Variants in PTPRT observed in about 807,000 individuals in gnomAD.
The protein encoded by PTPRT is protein tyrosine phosphatase receptor type T.
Under a neutral mutation model 176.8 loss-of-function variants are expected in PTPRT, and 56 were observed. The ratio of observed to expected loss-of-function variants is 0.32; its 90% CI spans 0.26 to 0.40. The LOEUF (loss-of-function observed/expected upper bound fraction) is 0.40. Ranked by LOEUF, PTPRT falls within the 10% of genes least tolerant of loss-of-function variation. The probability of loss-of-function intolerance (pLI) is 1.00; values close to 1 mark genes in which losing one functional copy is unlikely to be tolerated. For synonymous variants in PTPRT, 783 were observed against 739.0 expected (o/e 1.06, Z -0.96); for missense variants, 1,540 against 1,908.2 (o/e 0.81, Z 3.60).
At chr20:43,041,051 T>C (rs1245928281) in intron 1 of PTPRT, among the ~76,000 whole-genome samples, 1 of 152,224 alleles carries the variant, frequency 6.6e-6, no homozygotes, top group South Asian at 2.1e-4. Flanking sequence ...AGAAACTCCA[T>C]GCATAGAGCC....
intron 1 of PTPRT, among the ~76,000 whole-genome samples, chr20:43,037,398 AGGTG>A (rs1248323677): frequency 2.6e-5 from 4 of 152,238 alleles, no homozygotes; most frequent in Admixed American, 2.6e-4. Flanking sequence ...GTGCAATGAC[AGGTG>A]GCTTCGCAGG....
intron 1 of PTPRT, among the ~76,000 whole-genome samples, chr20:43,158,346 T>C (rs2014582634): frequency 6.6e-6 from 1 of 152,168 alleles, no homozygotes; most frequent in African/African-American, 2.4e-5. Flanking sequence ...ACAAGTTCCA[T>C]GTGAGATGAA....
intron 12 of PTPRT, among the ~76,000 whole-genome samples, chr20:42,311,169 G>A (rs2057622466): frequency 6.6e-6 from 1 of 152,124 alleles, no homozygotes; most frequent in Non-Finnish European, 1.5e-5. Context: ...AAAACACGAT[G>A]AGATCAGGGA....
chr20:42,303,875 C>T (rs1467523329), intron 12 of PTPRT, among the ~76,000 whole-genome samples: 1 of 152,148 alleles, frequency 6.6e-6, no homozygotes, highest in African/African-American at 2.4e-5. Flanking sequence ...GCAGGAAACC[C>T]AGACTTTGCT....
At chr20:42,113,277 T>C (rs544193467) in intron 22 of PTPRT, among the ~76,000 whole-genome samples, 10 of 152,322 alleles carry the variant, frequency 6.6e-5, no homozygotes, top group African/African-American at 2.4e-4. Context: ...CTCAACATGG[T>C]TTGCTAGCTG....
intron 9 of PTPRT, among the ~76,000 whole-genome samples, chr20:42,378,100 G>C (rs1437278027): frequency 6.6e-6 from 1 of 152,190 alleles, no homozygotes; most frequent in Admixed American, 6.5e-5. Flanking sequence ...GAGCCAAACC[G>C]ACATTTGATG....
chr20:42,092,613 C>T (rs1984741391), intron 27 of PTPRT, among the ~76,000 whole-genome samples: 1 of 152,206 alleles, frequency 6.6e-6, no homozygotes, highest in Non-Finnish European at 1.5e-5. Flanking sequence ...AACAGAGACA[C>T]AGCCCCTTGC....
At chr20:42,427,833 A>G (rs56052898) in intron 9 of PTPRT, among the ~76,000 whole-genome samples, 17,858 of 151,986 alleles carry the variant, frequency 0.12, 1,023 homozygotes, top group Middle Eastern at 0.14. Context: ...AATGTACTTT[A>G]TAATCTCCCC....
At chr20:42,712,080 T>C (rs2076152757) in intron 6 of PTPRT, among the ~76,000 whole-genome samples, 1 of 152,244 alleles carries the variant, frequency 6.6e-6, no homozygotes, top group Middle Eastern at 3.4e-3. Context: ...ATTCATTACC[T>C]GGACTAATGA....
intron 16 of PTPRT, among the ~76,000 whole-genome samples, chr20:42,188,118 T>C (rs1246338561): frequency 1.3e-5 from 2 of 152,334 alleles, no homozygotes; most frequent in Middle Eastern, 3.4e-3. Context: ...TTGGCCTAGA[T>C]GTAAATGTCC....
At chr20:42,560,934 C>T (rs563490378) in intron 7 of PTPRT, among the ~76,000 whole-genome samples, 1 of 152,270 alleles carries the variant, frequency 6.6e-6, no homozygotes, top group East Asian at 1.9e-4. Flanking sequence ...TCCCTCCACT[C>T]TCCACCCCCA....
intron 1 of PTPRT, among the ~76,000 whole-genome samples, chr20:42,981,190 T>C (rs1256162593): frequency 6.6e-6 from 1 of 152,232 alleles, no homozygotes; most frequent in African/African-American, 2.4e-5. Context: ...GTGCAATTTT[T>C]ACTTAGGCAG....
At chr20:42,178,050 G>T (rs1990366446) in intron 16 of PTPRT, among the ~76,000 whole-genome samples, 1 of 152,014 alleles carries the variant, frequency 6.6e-6, no homozygotes, top group Non-Finnish European at 1.5e-5. Context: ...CGACTCTCCT[G>T]CCTCAGCCTC....
chr20:42,548,670 A>G (rs768873334), intron 7 of PTPRT, among the ~76,000 whole-genome samples: 3 of 152,182 alleles, frequency 2.0e-5, no homozygotes, highest in Non-Finnish European at 4.4e-5. Context: ...TCAGTAAAAT[A>G]AGCAGAACAC....
chr20:42,775,261 G>T (rs1294562853), intron 4 of PTPRT, among the ~76,000 whole-genome samples: 4 of 152,204 alleles, frequency 2.6e-5, no homozygotes, highest in Non-Finnish European at 4.4e-5. Flanking sequence ...ACATATTATT[G>T]TGCCCTTTAT....
At chr20:42,763,401 T>C (rs1374716487) in intron 5 of PTPRT, among the ~76,000 whole-genome samples, 2 of 152,184 alleles carry the variant, frequency 1.3e-5, no homozygotes, top group Non-Finnish European at 2.9e-5. Flanking sequence ...ACAGAAGATA[T>C]TCTAATGCAG....
chr20:42,961,979 G>A (rs1982007365), intron 1 of PTPRT, among the ~76,000 whole-genome samples: 1 of 152,158 alleles, frequency 6.6e-6, no homozygotes, highest in Admixed American at 6.5e-5. Flanking sequence ...AGCTGAAAAA[G>A]GCAAGGAAAC....
chr20:42,952,045 T>C (rs1217643278), intron 1 of PTPRT, among the ~76,000 whole-genome samples: 2 of 152,260 alleles, frequency 1.3e-5, no homozygotes, highest in East Asian at 3.9e-4. Flanking sequence ...TACTAAATGC[T>C]ATTAGGGTTA....
At chr20:42,785,715 G>T (rs1399132164) in intron 3 of PTPRT, among the ~76,000 whole-genome samples, 1 of 152,210 alleles carries the variant, frequency 6.6e-6, no homozygotes, top group Admixed American at 6.5e-5. Flanking sequence ...CCCAGATGAG[G>T]CTACTTATCC....
Sources: gnomAD v4.1 joint callset for allele counts (sites outside exome capture counted in the v4.1 genomes callset) on GRCh38, gnomAD v4.1.1 for gene constraint, MANE v1.5 for transcripts, NCBI Gene and HGNC (gene_info 2026-07-23, HGNC 2026-07-21) for gene names.